MB21D2: variants seen among roughly 807,000 people sequenced by gnomAD.
MB21D2 encodes Mab-21 domain containing 2, also known as nucleotidyltransferase MB21D2.
A neutral mutation model predicts 33.3 loss-of-function variants in MB21D2; 9 were observed. The ratio of observed to expected loss-of-function variants is 0.27; its 90% CI spans 0.16 to 0.47. The LOEUF (loss-of-function observed/expected upper bound fraction) is 0.47, where lower values mean the gene tolerates loss of function less well. Among genes scored for constraint, MB21D2 ranks in the 20% least tolerant of loss-of-function variants. MB21D2 has a pLI of 0.99. For missense variants in MB21D2, 540 were observed against 624.6 expected (o/e 0.86, Z 1.44); for synonymous variants, 241 against 236.3 (o/e 1.02, Z -0.18).
intron 1 of MB21D2, among the ~76,000 whole-genome samples, chr3:192,912,940 T>C (rs1308651794): frequency 6.6e-6 from 1 of 152,220 alleles, no homozygotes; most frequent in East Asian, 1.9e-4. Context: ...ATAGGCATGA[T>C]ACTTATGCTT....
intron 1 of MB21D2, among the ~76,000 whole-genome samples, chr3:192,874,865 A>G (rs150058101): frequency 5.1e-4 from 77 of 152,268 alleles, no homozygotes; most frequent in Non-Finnish European, 9.9e-4. Context: ...CTCTCAAAGC[A>G]TCCGTTCTAC....
intron 1 of MB21D2, among the ~76,000 whole-genome samples, chr3:192,836,406 T>C (rs1560235206): frequency 6.6e-6 from 1 of 152,216 alleles, no homozygotes; most frequent in Non-Finnish European, 1.5e-5. Context: ...GTTGAAGCCC[T>C]AACTCCCAGT....
At chr3:192,915,956 G>C (rs1307693970) in intron 1 of MB21D2, among the ~76,000 whole-genome samples, 3 of 152,114 alleles carry the variant, frequency 2.0e-5, no homozygotes, top group African/African-American at 7.2e-5. Context: ...ATGCCACAGA[G>C]AAAGGCTATG....
chr3:192,878,824 C>T (rs778573913), intron 1 of MB21D2, among the ~76,000 whole-genome samples: 10 of 152,228 alleles, frequency 6.6e-5, no homozygotes, highest in Non-Finnish European at 1.3e-4. Flanking sequence ...ATTAGCTGGA[C>T]GTGGTGGTGC....
chr3:192,814,318 T>C (rs916359881), intron 1 of MB21D2, among the ~76,000 whole-genome samples: 2 of 152,060 alleles, frequency 1.3e-5, no homozygotes, highest in Non-Finnish European at 2.9e-5. Flanking sequence ...AAAAAAATAC[T>C]GACAGGCTAA....
chr3:192,856,412 T>C (rs1052148948), intron 1 of MB21D2, among the ~76,000 whole-genome samples: 14 of 152,172 alleles, frequency 9.2e-5, no homozygotes, highest in Non-Finnish European at 1.8e-4. Flanking sequence ...CTGATTGCTA[T>C]AAGGAGAAAT....
chr3:192,810,822 T>C (rs1357404664), intron 1 of MB21D2, among the ~76,000 whole-genome samples: 2 of 152,244 alleles, frequency 1.3e-5, no homozygotes, highest in African/African-American at 4.8e-5. Context: ...ACAAAATTAA[T>C]AGTTCCTATT....
chr3:192,848,300 T>C (rs991924369), intron 1 of MB21D2, among the ~76,000 whole-genome samples: 1 of 152,208 alleles, frequency 6.6e-6, no homozygotes, highest in Admixed American at 6.5e-5. Context: ...CACTGACATT[T>C]TGCCAAAAAG....
intron 1 of MB21D2, among the ~76,000 whole-genome samples, chr3:192,899,599 T>C (rs774513199): frequency 9.2e-5 from 14 of 152,146 alleles, no homozygotes; most frequent in Non-Finnish European, 1.9e-4. Flanking sequence ...TGACTCAGCA[T>C]GGAGAAGGGC....
intron 1 of MB21D2, among the ~76,000 whole-genome samples, chr3:192,851,870 C>T (rs1448251649): frequency 6.6e-6 from 1 of 152,188 alleles, no homozygotes; most frequent in African/African-American, 2.4e-5. Flanking sequence ...CCAAGTCTTA[C>T]TGCTGTATCC....
chr3:192,825,794 T>A (rs907072326), intron 1 of MB21D2, among the ~76,000 whole-genome samples: 1 of 152,174 alleles, frequency 6.6e-6, no homozygotes, highest in African/African-American at 2.4e-5. Context: ...GAAATGAAAC[T>A]CCAATTTATC....
At chr3:192,835,218 G>T (rs1712409741) in intron 1 of MB21D2, among the ~76,000 whole-genome samples, 1 of 148,828 alleles carries the variant, frequency 6.7e-6, no homozygotes, top group Non-Finnish European at 1.5e-5. Context: ...ACTTTGGGAG[G>T]CTGAGGCGGG....
chr3:192,885,962 T>C (rs1439814720), intron 1 of MB21D2, among the ~76,000 whole-genome samples: 1 of 152,096 alleles, frequency 6.6e-6, no homozygotes, highest in African/African-American at 2.4e-5. Context: ...ATTATTTTTA[T>C]AATTTTTTTT....
intron 1 of MB21D2, among the ~76,000 whole-genome samples, chr3:192,900,556 A>G (rs2108651364): frequency 6.6e-6 from 1 of 152,216 alleles, no homozygotes; most frequent in South Asian, 2.1e-4. Context: ...CATAATCTGT[A>G]AAGCTTCTTT....
intron 1 of MB21D2, among the ~76,000 whole-genome samples, chr3:192,846,503 C>T (rs554291027): frequency 6.6e-6 from 1 of 152,258 alleles, no homozygotes; most frequent in South Asian, 2.1e-4. Context: ...TCAATGTGTT[C>T]ACATGTACAT....
At chr3:192,831,210 C>T (rs1712307102) in intron 1 of MB21D2, among the ~76,000 whole-genome samples, 2 of 152,188 alleles carry the variant, frequency 1.3e-5, no homozygotes, top group African/African-American at 4.8e-5. Flanking sequence ...TCAAAGGAAC[C>T]TTGTGGAGAC....
chr3:192,823,084 T>C (rs1362497654), intron 1 of MB21D2, among the ~76,000 whole-genome samples: 1 of 152,248 alleles, frequency 6.6e-6, no homozygotes, highest in African/African-American at 2.4e-5. Flanking sequence ...GCCAGTATAA[T>C]ATTCATTTAA....
intron 1 of MB21D2, among the ~76,000 whole-genome samples, chr3:192,835,284 C>G (rs1712411713): frequency 6.7e-6 from 1 of 150,368 alleles, no homozygotes; most frequent in African/African-American, 2.4e-5. Flanking sequence ...GAAACACCGT[C>G]TCTACAAAAA....
intron 1 of MB21D2, among the ~76,000 whole-genome samples, chr3:192,916,354 GGAA>G (rs1233307793): frequency 6.6e-6 from 1 of 152,134 alleles, no homozygotes; most frequent in African/African-American, 2.4e-5. Context: ...AAACCTAGAA[GGAA>G]GAAGGTATCC....
Sources: allele counts gnomAD v4.1 joint callset (sites outside exome capture counted in the v4.1 genomes callset), GRCh38; gene constraint gnomAD v4.1.1; transcripts MANE v1.5; gene names NCBI Gene and HGNC (gene_info 2026-07-23, HGNC 2026-07-21).